Variants in CACNA2D3 observed in about 807,000 individuals in gnomAD.
CACNA2D3 encodes the protein calcium voltage-gated channel auxiliary subunit alpha2delta 3.
In CACNA2D3, 60 loss-of-function variants were observed where a neutral mutation model predicts 160.6. The observed-to-expected ratio is 0.37, with a 90% confidence interval of 0.30 to 0.46. The LOEUF is 0.46. Ranked by LOEUF, CACNA2D3 falls within the 20% of genes least tolerant of loss-of-function variation. The pLI, the probability that CACNA2D3 is intolerant of heterozygous loss-of-function variation, is 1.00. For synonymous variants in CACNA2D3, 558 were observed against 492.9 expected (o/e 1.13, Z -1.75); for missense variants, 1,205 against 1,365.0 (o/e 0.88, Z 1.85).
chr3:54,896,553 T>A (rs1207733435), intron 25 of CACNA2D3, 196 bp from the exon 26 acceptor site: 1 of 567,500 alleles, frequency 1.8e-6, no homozygotes, highest in African/African-American at 1.9e-5. Flanking sequence ...AGAATTTGAC[T>A]CCCAGAGCTC....
intron 2 of CACNA2D3, among the ~76,000 whole-genome samples, chr3:54,299,581 A>G (rs1024953979): frequency 6.6e-6 from 1 of 152,254 alleles, no homozygotes; most frequent in African/African-American, 2.4e-5. Context: ...GAATAGCTAG[A>G]AAAGCATTCA....
intron 3 of CACNA2D3, among the ~76,000 whole-genome samples, chr3:54,351,467 A>G (rs1559458016): frequency 6.6e-6 from 1 of 152,172 alleles, no homozygotes; most frequent in African/African-American, 2.4e-5. Flanking sequence ...CTCTGCTCAA[A>G]GCCCTTCATC....
chr3:54,687,231 C>T (rs1047035038), intron 11 of CACNA2D3, among the ~76,000 whole-genome samples: 1 of 149,472 alleles, frequency 6.7e-6, no homozygotes, highest in African/African-American at 2.5e-5. Context: ...GCCTCCGCCT[C>T]CCAGGTTCAA....
chr3:54,466,785 T>G (rs1457926566), intron 4 of CACNA2D3, among the ~76,000 whole-genome samples: 1 of 152,228 alleles, frequency 6.6e-6, no homozygotes, highest in Non-Finnish European at 1.5e-5. Context: ...ATTATAAGTA[T>G]AGCTAGAAAA....
chr3:55,060,114 A>C (rs1389006407), intron 35 of CACNA2D3, among the ~76,000 whole-genome samples: 1 of 152,128 alleles, frequency 6.6e-6, no homozygotes, highest in Non-Finnish European at 1.5e-5. Flanking sequence ...GCTGTCTCCT[A>C]CGCAGTATTT....
At chr3:54,392,078 C>G (rs1699291872) in intron 4 of CACNA2D3, among the ~76,000 whole-genome samples, 1 of 152,188 alleles carries the variant, frequency 6.6e-6, no homozygotes, top group South Asian at 2.1e-4. Flanking sequence ...TTAAAAAATA[C>G]TACCCTATGT....
At chr3:54,433,633 A>G (rs1700020285) in intron 4 of CACNA2D3, among the ~76,000 whole-genome samples, 1 of 152,174 alleles carries the variant, frequency 6.6e-6, no homozygotes, top group African/African-American at 2.4e-5. Context: ...AAGACTTTGA[A>G]AGATGGGAGA....
intron 18 of CACNA2D3, among the ~76,000 whole-genome samples, chr3:54,877,748 G>A (rs535224627): frequency 2.0e-5 from 3 of 152,276 alleles, no homozygotes; most frequent in Admixed American, 1.3e-4. Flanking sequence ...TTGGGGGTGG[G>A]GTGGCATGGA....
At chr3:54,140,958 C>CT (rs1452220236) in intron 2 of CACNA2D3, among the ~76,000 whole-genome samples, 2 of 152,114 alleles carry the variant, frequency 1.3e-5, no homozygotes, top group African/African-American at 2.4e-5. Flanking sequence ...AGAGGTCTGC[C>CT]TGGTCCTCAG....
chr3:54,170,176 T>G (rs1700537025), intron 2 of CACNA2D3, among the ~76,000 whole-genome samples: 3 of 132,932 alleles, frequency 2.3e-5, no homozygotes, highest in African/African-American at 3.0e-5. Context: ...GGTGATAGAG[T>G]GAGCCTCCAT....
In CACNA2D3 at chr3:54,765,979, C is replaced by T. The variant is rs539921035; in HGVS notation, c.1380+1628C>T. ...AAGGAAGAAATCCAAGTGGATCAGA[C>T]GTCTAAATTGTAAAAAATGAAACCA... On this transcript the variant is annotated intron_variant, in intron 13 of 37. Transcript: ENST00000474759. Among the ~76,000 whole-genome samples, 59 of 152,096 alleles carry T rather than the reference C, an allele frequency of 3.9e-4. 1 individual carries two copies. In the South Asian group the frequency reaches 9.6e-3, roughly 25 times the overall value.
chr3:54,625,286 GA>G (rs113227223), intron 9 of CACNA2D3, among the ~76,000 whole-genome samples: 3,892 of 151,102 alleles, frequency 0.026, 150 homozygotes, highest in African/African-American at 0.089. Flanking sequence ...TGCTCAAAAA[GA>G]AAAAAAAATA....
At chr3:54,977,827 C>T (rs1284206243) in intron 29 of CACNA2D3, among the ~76,000 whole-genome samples, 3 of 152,144 alleles carry the variant, frequency 2.0e-5, no homozygotes, top group Non-Finnish European at 4.4e-5. Flanking sequence ...ACAGAGTAAA[C>T]TGAAAACAAG....
chr3:54,498,443 A>G (rs1429545330), intron 4 of CACNA2D3, among the ~76,000 whole-genome samples: 1 of 151,948 alleles, frequency 6.6e-6, no homozygotes, highest in Non-Finnish European at 1.5e-5. Flanking sequence ...CTTTCATCCC[A>G]GATACTGGTA....
At chr3:54,748,481 T>C (rs1465723445) in intron 11 of CACNA2D3, among the ~76,000 whole-genome samples, 1 of 152,182 alleles carries the variant, frequency 6.6e-6, no homozygotes, top group Non-Finnish European at 1.5e-5. Flanking sequence ...CATCTTAACA[T>C]TTTATTAAGC....
intron 27 of CACNA2D3, among the ~76,000 whole-genome samples, chr3:54,939,434 C>G (rs557580872): frequency 1.3e-5 from 2 of 152,302 alleles, no homozygotes; most frequent in African/African-American, 4.8e-5. Flanking sequence ...CTTCCCCTGG[C>G]ATGTGGAGAA....
chr3:54,158,531 T>G (rs1428687479), intron 2 of CACNA2D3, among the ~76,000 whole-genome samples: 1 of 152,194 alleles, frequency 6.6e-6, no homozygotes, highest in Non-Finnish European at 1.5e-5. Flanking sequence ...AAATCGAATC[T>G]CTTGAATAAC....
intron 4 of CACNA2D3, among the ~76,000 whole-genome samples, chr3:54,451,541 G>A (rs1248403013): frequency 2.0e-5 from 3 of 151,968 alleles, no homozygotes; most frequent in Non-Finnish European, 4.4e-5. Context: ...TTCTCTTTAG[G>A]TGATTGATTG....
chr3:54,185,278 AC>A (rs1050733918), intron 2 of CACNA2D3, among the ~76,000 whole-genome samples: 1 of 152,168 alleles, frequency 6.6e-6, no homozygotes, highest in Non-Finnish European at 1.5e-5. Flanking sequence ...TCAGAATTGA[AC>A]TTTTTTTTTC....
Sources: gnomAD v4.1 joint callset for allele counts (sites outside exome capture counted in the v4.1 genomes callset) on GRCh38, gnomAD v4.1.1 for gene constraint, MANE v1.5 for transcripts, NCBI Gene and HGNC (gene_info 2026-07-23, HGNC 2026-07-21) for gene names.